Variants in WFDC9 observed in about 807,000 individuals in gnomAD.
The protein encoded by WFDC9 is protein WFDC9.
In WFDC9, 9 loss-of-function variants were observed where a neutral mutation model predicts 9.5. That is an observed-to-expected ratio of 0.95 (90% CI 0.57 to 1.65). WFDC9 has a LOEUF of 1.65. WFDC9 is among the 40% of genes most tolerant of loss of function. The probability of loss-of-function intolerance (pLI) is 0.00; values close to 1 mark genes in which losing one functional copy is unlikely to be tolerated. For synonymous variants in WFDC9, 33 were observed against 32.3 expected (o/e 1.02, Z -0.07); for missense variants, 87 against 106.7 (o/e 0.82, Z 0.81).
At chr20:45,620,465 A>G (rs1161913214) in intron 1 of WFDC9, among the ~76,000 whole-genome samples, 1 of 151,656 alleles carries the variant, frequency 6.6e-6, no homozygotes, top group Non-Finnish European at 1.5e-5. Context: ...GGTGGCACAC[A>G]CCTGTAATCC....
At chr20:45,609,966 G>C (rs1981824089) in intron 3 of WFDC9, 125 bp downstream of exon 3, 2 of 694,996 alleles carry the variant, frequency 2.9e-6, no homozygotes, top group Non-Finnish European at 4.7e-6. Context: ...ACCTAATCTT[G>C]CTTGAATATC....
At chr20:45,612,136 A>G (rs1981873386) in intron 2 of WFDC9, among the ~76,000 whole-genome samples, 1 of 152,208 alleles carries the variant, frequency 6.6e-6, no homozygotes, top group African/African-American at 2.4e-5. Flanking sequence ...AATATAGTAT[A>G]TACTTCATAA....
chr20:45,620,803 T>C (rs912605829), intron 1 of WFDC9, among the ~76,000 whole-genome samples: 8 of 152,216 alleles, frequency 5.3e-5, no homozygotes, highest in East Asian at 3.8e-4. Flanking sequence ...TAAATTGTTA[T>C]ATCATCTTTC....
intron 1 of WFDC9, among the ~76,000 whole-genome samples, chr20:45,625,804 A>ATTT (rs1303424661): frequency 1.4e-4 from 6 of 42,982 alleles, no homozygotes; most frequent in East Asian, 2.0e-3. Context: ...TAGGTTCTCT[A>ATTT]TTCTTTTTTT....
intron 4 of WFDC9, 113 bp downstream of exon 4, chr20:45,608,550 T>C (rs1981778672): frequency 1.1e-5 from 15 of 1,329,910 alleles, no homozygotes; most frequent in East Asian, 2.3e-5. Context: ...ACATTGTCTT[T>C]TGCTGCCTAT....
At chr20:45,623,511 C>T (rs1229857360) in intron 1 of WFDC9, among the ~76,000 whole-genome samples, 1 of 151,956 alleles carries the variant, frequency 6.6e-6, no homozygotes, top group Non-Finnish European at 1.5e-5. Flanking sequence ...CCTGTAATCC[C>T]AGCTACTCAG....
At chr20:45,608,207 T>C (rs1981771900) in intron 4 of WFDC9, 67 bp from the exon 5 acceptor site, 1 of 1,513,362 alleles carries the variant, frequency 6.6e-7, no homozygotes, top group African/African-American at 1.4e-5. Flanking sequence ...ATTAATAGCA[T>C]CCTAGGCCCC....
chr20:45,612,229 CT>C (rs146300439), intron 2 of WFDC9, among the ~76,000 whole-genome samples: 29 of 148,226 alleles, frequency 2.0e-4, no homozygotes, highest in Admixed American at 2.7e-4. Context: ...TTTCTTTTTA[CT>C]TTTTTTTTTA....
At chr20:45,617,288 C>G (rs2903788) in intron 1 of WFDC9, among the ~76,000 whole-genome samples, 51,503 of 151,938 alleles carry the variant, frequency 0.34, 8,837 homozygotes, top group Middle Eastern at 0.44. Flanking sequence ...AACCCCATCT[C>G]TACTAAAAAT....
intron 2 of WFDC9, among the ~76,000 whole-genome samples, chr20:45,613,268 T>C (rs1981900193): frequency 6.6e-6 from 1 of 152,198 alleles, no homozygotes; most frequent in African/African-American, 2.4e-5. Context: ...ACATTCCTTA[T>C]TTCTCAGGCG....
At position 45,619,750 on chromosome 20, in the gene WFDC9, C is replaced by T. The variant is rs112498201; in HGVS notation, c.-152-5029G>A. Among the ~76,000 whole-genome samples, 49 of 152,206 alleles carry T rather than the reference C, an allele frequency of 3.2e-4. 1 individual carries two copies. In the East Asian group the frequency reaches 4.6e-3, roughly 14 times the overall value. Reference sequence around the variant, plus strand: ...ATGCATGAAAAATAGCACAGCTGGGCGTGGTGGCTCATGCCTGTAATCCCA... The same window carrying T: ...ATGCATGAAAAATAGCACAGCTGGGTGTGGTGGCTCATGCCTGTAATCCCA... On this transcript the variant is annotated intron_variant, in intron 1 of 4. Transcript: ENST00000326000.
intron 2 of WFDC9, among the ~76,000 whole-genome samples, chr20:45,613,280 G>A (rs2235601): frequency 0.042 from 6,366 of 152,130 alleles, 290 homozygotes; most frequent in East Asian, 0.24. Context: ...TCTCAGGCGC[G>A]GAGCCTTTCC....
chr20:45,630,972 T>C (rs770473861), intron 1 of WFDC9: 4 of 1,611,632 alleles, frequency 2.5e-6, no homozygotes, highest in African/African-American at 1.3e-5. Context: ...GCAAATAACA[T>C]ATGCTGTTCT....
intron 1 of WFDC9, chr20:45,629,552 T>C (rs1982303674): frequency 6.0e-6 from 2 of 333,794 alleles, no homozygotes; most frequent in Non-Finnish European, 5.4e-6. Context: ...ATATCTTTCA[T>C]TCTATCGGCA....
intron 1 of WFDC9, among the ~76,000 whole-genome samples, chr20:45,627,343 TA>T (rs1309528492): frequency 6.6e-6 from 1 of 150,622 alleles, no homozygotes; most frequent in Non-Finnish European, 1.5e-5. Context: ...AAAATTGAGC[TA>T]AGAAGAATTC....
chr20:45,618,710 CA>C (rs143028411), intron 1 of WFDC9, among the ~76,000 whole-genome samples: 13,394 of 152,130 alleles, frequency 0.088, 587 homozygotes, highest in Middle Eastern at 0.11. Context: ...CACTCCAAAG[CA>C]ATTACAATAG....
At chr20:45,620,568 G>A (rs563402073) in intron 1 of WFDC9, among the ~76,000 whole-genome samples, 2 of 152,086 alleles carry the variant, frequency 1.3e-5, no homozygotes, top group African/African-American at 2.4e-5. Flanking sequence ...CTCCAGCCTG[G>A]GTGATAGAGT....
chr20:45,631,002 G>T, intron 1 of WFDC9: 6 of 1,601,864 alleles, frequency 3.7e-6, no homozygotes, highest in Non-Finnish European at 5.1e-6. Context: ...GGGAATGTTT[G>T]CATGAGCATC....
chr20:45,609,414 G>A (rs1354200353), intron 3 of WFDC9, among the ~76,000 whole-genome samples: 2 of 151,914 alleles, frequency 1.3e-5, no homozygotes, highest in Admixed American at 6.6e-5. Flanking sequence ...ATGTTGGTTG[G>A]GCAGTCTCGA....
Sources: allele counts gnomAD v4.1 joint callset (sites outside exome capture counted in the v4.1 genomes callset), GRCh38; gene constraint gnomAD v4.1.1; transcripts MANE v1.5; gene names NCBI Gene and HGNC (gene_info 2026-07-23, HGNC 2026-07-21).